Variants in FSTL4 observed in about 807,000 individuals in gnomAD.
FSTL4 encodes the protein follistatin like 4, also known as follistatin-related protein 4.
Under a neutral mutation model 78.2 loss-of-function variants are expected in FSTL4, and 28 were observed. That is an observed-to-expected ratio of 0.36 (90% CI 0.27 to 0.49). The LOEUF is 0.49. FSTL4 is among the 20% of genes least tolerant of loss of function. FSTL4 has a pLI of 0.98. For missense variants in FSTL4, 922 were observed against 1,084.9 expected, an observed-to-expected ratio of 0.85 and a Z score of 2.11; for synonymous variants, 422 against 440.5, an observed-to-expected ratio of 0.96 and a Z score of 0.53.
chr5:133,545,187 A>G (rs1186323125), intron 3 of FSTL4, among the ~76,000 whole-genome samples: 1 of 152,146 alleles, frequency 6.6e-6, no homozygotes, highest in Non-Finnish European at 1.5e-5. Context: ...TTCTGGACAA[A>G]AAGAGCTCCC....
intron 3 of FSTL4, among the ~76,000 whole-genome samples, chr5:133,513,065 C>T (rs1039399626): frequency 2.0e-5 from 3 of 152,178 alleles, no homozygotes; most frequent in East Asian, 1.9e-4. Flanking sequence ...AAATGATCAG[C>T]CCGCCTCAGC....
intron 4 of FSTL4, among the ~76,000 whole-genome samples, chr5:133,347,362 CT>C (rs754437080): frequency 1.1e-4 from 16 of 152,224 alleles, no homozygotes; most frequent in Admixed American, 9.2e-4. Flanking sequence ...TTTATTTTTA[CT>C]TTTTTGATAC....
chr5:133,637,721 G>A, the FSTL4 span, among the ~76,000 whole-genome samples: 17 of 152,002 alleles, frequency 1.1e-4, no homozygotes, highest in African/African-American at 3.9e-4. Context: ...GTATGGAAGA[G>A]CTCTTCCTCT....
chr5:133,757,560 G>A, the FSTL4 span, among the ~76,000 whole-genome samples: 88 of 152,268 alleles, frequency 5.8e-4, no homozygotes, highest in African/African-American at 1.9e-3. Context: ...TGGATTTGGC[G>A]TCATGCTACA....
intron 3 of FSTL4, among the ~76,000 whole-genome samples, chr5:133,423,332 G>A (rs946357893): frequency 1.3e-5 from 2 of 152,156 alleles, no homozygotes; most frequent in African/African-American, 4.8e-5. Flanking sequence ...GCGGTACCTC[G>A]TGCTGTCCTG....
At chr5:133,738,301 A>T in the FSTL4 span, among the ~76,000 whole-genome samples, 1 of 152,094 alleles carries the variant, frequency 6.6e-6, no homozygotes, top group Non-Finnish European at 1.5e-5. Flanking sequence ...GAACTTACCA[A>T]GTTTTGCTTG....
At chr5:133,772,668 G>A in the FSTL4 span, among the ~76,000 whole-genome samples, 3 of 152,154 alleles carry the variant, frequency 2.0e-5, no homozygotes, top group African/African-American at 4.8e-5. Flanking sequence ...ATGTGCACGA[G>A]AGAGCCAGGG....
intron 6 of FSTL4, among the ~76,000 whole-genome samples, chr5:133,277,826 A>G (rs755601889): frequency 2.0e-5 from 3 of 152,222 alleles, no homozygotes; most frequent in Non-Finnish European, 4.4e-5. Context: ...TTGGGGGTTC[A>G]TGCCAGGGAC....
chr5:133,621,349 G>A, the FSTL4 span, among the ~76,000 whole-genome samples: 7,079 of 152,236 alleles, frequency 0.047, 494 homozygotes, highest in African/African-American at 0.16. Context: ...GCAGTGAGCC[G>A]AGATCATGCC....
rs915194714 is a variant in FSTL4, at chr5:133,306,368, C to T, written c.727+6286G>A. Among the ~76,000 whole-genome samples the T allele has an allele frequency of 7.2e-5, 11 of 152,230 alleles. No homozygotes were observed. The East Asian group carries it at 9.6e-4, about 13-fold the overall frequency. On this transcript the variant is annotated intron_variant, in intron 6 of 15. Coordinates refer to ENST00000265342, the MANE Select transcript of FSTL4 (RefSeq NM_015082.2). Reference sequence around the variant, plus strand: ...AAAGGTAATTACGCAGCCTGCCAGCCGACCAGAGCACTTACTCTGAGGAGG... The same window carrying T: ...AAAGGTAATTACGCAGCCTGCCAGCTGACCAGAGCACTTACTCTGAGGAGG...
chr5:133,825,035 C>T, the FSTL4 span, among the ~76,000 whole-genome samples: 8 of 152,312 alleles, frequency 5.3e-5, no homozygotes, highest in African/African-American at 1.4e-4. Flanking sequence ...GGGCAAGAGT[C>T]CGTGGTGGCA....
At chr5:133,700,961 G>T in the FSTL4 span, among the ~76,000 whole-genome samples, 2 of 152,166 alleles carry the variant, frequency 1.3e-5, no homozygotes, top group Non-Finnish European at 2.9e-5. Context: ...TGAGAAGGAC[G>T]GGCCTCTCTC....
In FSTL4 at chr5:133,229,339, T is replaced by C. The variant is rs145570047; in HGVS notation, c.1016-3520A>G. Among the ~76,000 whole-genome samples, 380 of 152,136 alleles carry C rather than the reference T, an allele frequency of 2.5e-3. 1 individual carries two copies. The highest frequency in any genetic ancestry group is 4.4e-3 in the Non-Finnish European group (299 of 67,984). Reference sequence around the variant, plus strand: ...GAGTTTGAGACCAGCCTGGGCAACGTTGTGAAACCCTGATTCTACCAAAAA... The same window carrying C: ...GAGTTTGAGACCAGCCTGGGCAACGCTGTGAAACCCTGATTCTACCAAAAA... On this transcript the variant is annotated intron_variant, in intron 8 of 15. Coordinates refer to ENST00000265342, the MANE Select transcript of FSTL4 (RefSeq NM_015082.2).
the FSTL4 span, among the ~76,000 whole-genome samples, chr5:133,640,541 A>G: frequency 2.6e-5 from 4 of 152,186 alleles, no homozygotes; most frequent in Non-Finnish European, 4.4e-5. Context: ...AACAGGGTGA[A>G]GGAAAGGAGC....
chr5:133,556,198 T>C (rs943518799), intron 3 of FSTL4, among the ~76,000 whole-genome samples: 4 of 152,212 alleles, frequency 2.6e-5, no homozygotes, highest in African/African-American at 9.7e-5. Context: ...ATGACCTCAG[T>C]GAAGCCCATT....
the FSTL4 span, among the ~76,000 whole-genome samples, chr5:133,642,802 A>C: frequency 6.6e-6 from 1 of 152,258 alleles, no homozygotes; most frequent in Non-Finnish European, 1.5e-5. Flanking sequence ...ATGTACAACA[A>C]GAAGACAAGG....
intron 6 of FSTL4, among the ~76,000 whole-genome samples, chr5:133,271,458 G>A (rs551888441): frequency 1.7e-4 from 26 of 152,294 alleles, no homozygotes; most frequent in Non-Finnish European, 3.2e-4. Flanking sequence ...GGAAGGCCAC[G>A]ACACATACAG....
chr5:133,373,297 C>T (rs1755357323), intron 4 of FSTL4, among the ~76,000 whole-genome samples: 1 of 152,230 alleles, frequency 6.6e-6, no homozygotes, highest in Non-Finnish European at 1.5e-5. Flanking sequence ...ACCACCAGCC[C>T]ACTGCCTTTT....
At chr5:133,637,632 G>T in the FSTL4 span, among the ~76,000 whole-genome samples, 57,906 of 151,520 alleles carry the variant, frequency 0.38, 11,651 homozygotes, top group Admixed American at 0.45. Context: ...CTGCTATGCT[G>T]GTTTCTCCTT....
Sources: allele counts gnomAD v4.1 joint callset (sites outside exome capture counted in the v4.1 genomes callset), GRCh38; gene constraint gnomAD v4.1.1; transcripts MANE v1.5; gene names NCBI Gene and HGNC (gene_info 2026-07-23, HGNC 2026-07-21).